ZNF268: variants seen among roughly 807,000 people sequenced by gnomAD.
ZNF268 encodes zinc finger protein 3.
Under a neutral mutation model 29.3 loss-of-function variants are expected in ZNF268, and 20 were observed. The ratio of observed to expected loss-of-function variants is 0.68; its 90% CI spans 0.48 to 0.99. ZNF268 has a LOEUF of 0.99. ZNF268 is among the 50% of genes least tolerant of loss of function. The pLI, the probability that ZNF268 is intolerant of heterozygous loss-of-function variation, is 0.00. For synonymous variants in ZNF268, 429 were observed against 376.9 expected (o/e 1.14, Z -1.60); for missense variants, 1,240 against 1,121.6 (o/e 1.11, Z -1.51).
Position 133,191,933 on chromosome 12 carries a change from C to T in ZNF268, c.387C>T (p.Ile129=). The part of the protein sequence containing the change: ...SLGYQHTKPD[I]IFKLEQGEEL... ...GGTACCAACACACCAAACCTGATATCATCTTCAAGTTGGAACAAGGAGAAG... is the reference window on the plus strand; with the variant it reads ...GGTACCAACACACCAAACCTGATATTATCTTCAAGTTGGAACAAGGAGAAG... Residue 129 remains isoleucine, a synonymous_variant, in exon 5 of 6, where the codon ATC becomes ATT. Coordinates refer to ENST00000536435, the MANE Select transcript of ZNF268 (RefSeq NM_003415.3). The T allele has an allele frequency of 6.2e-7, 1 of 1,614,074 alleles. No homozygotes were observed. Among genetic ancestry groups the T allele is most frequent in the Non-Finnish European group, 8.5e-7 (1 of 1,179,990 alleles).
At chr12:133,187,837 T>C (rs1400556949) in intron 2 of ZNF268, 35 bp from the exon 3 acceptor site, 10 of 1,549,234 alleles carry the variant, frequency 6.5e-6, no homozygotes, top group Non-Finnish European at 8.7e-6. Flanking sequence ...AAGGAAATAA[T>C]GCTCGCTAAA....
At position 133,213,177 on chromosome 12, in the gene ZNF268, C is replaced by G. The variant is rs1354721234; in HGVS notation, c.*8647C>G. ...GCCTCCATATTTTTTATAATAGCCA[C>G]TCTAACATGTATGAAATGGTATCTC... On this transcript the variant is annotated 3_prime_UTR_variant, in exon 6 of 6. Transcript: ENST00000536435. 1 of 152,116 alleles carries G rather than the reference C, an allele frequency of 6.6e-6. No homozygotes were observed. Among genetic ancestry groups the G allele is most frequent in the Admixed American group, 6.5e-5 (1 of 15,270 alleles). 9.4% of individuals were successfully genotyped at this position (152,116 alleles called of 1,614,324 possible). A position where few individuals can be genotyped will look rare whatever the true frequency, so the allele number is the denominator to read the frequency against.
At position 133,188,926 on chromosome 12, in the gene ZNF268, A is replaced by G. The variant is rs989563341; in HGVS notation, c.234+854A>G. On this transcript the variant is annotated intron_variant, in intron 3 of 5. Coordinates refer to ENST00000536435, the MANE Select transcript of ZNF268 (RefSeq NM_003415.3). ...CTGAGTCTGGATTGCAAATTTTTTT[A>G]TTTTATTGCTAATGATTTTTGTGTC... Among the ~76,000 whole-genome samples the G allele has an allele frequency of 1.1e-4, 17 of 151,998 alleles. No homozygotes were observed. The East Asian group carries it at 2.3e-3, about 21-fold the overall frequency.
intron 5 of ZNF268, among the ~76,000 whole-genome samples, chr12:133,201,261 A>G (rs980257170): frequency 6.6e-6 from 1 of 151,796 alleles, no homozygotes; most frequent in African/African-American, 2.4e-5. Flanking sequence ...TCCTAGTGAT[A>G]TTGACTGCTA....
intron 5 of ZNF268, among the ~76,000 whole-genome samples, chr12:133,196,372 CCT>C (rs1710395721): frequency 6.6e-6 from 1 of 150,848 alleles, no homozygotes; most frequent in South Asian, 2.1e-4. Context: ...TTTGGTATTC[CCT>C]GATTTTTTGA....
chr12:133,196,013 C>A (rs1184473895), intron 5 of ZNF268, among the ~76,000 whole-genome samples: 2 of 145,766 alleles, frequency 1.4e-5, no homozygotes, highest in Non-Finnish European at 3.0e-5. Context: ...CCCGGCCAAC[C>A]CTGTCTCTTT....
chr12:133,205,308 TAC>T lies in ZNF268; in HGVS notation c.*780_*781del, dbSNP rs1956878932. ...AAATTCTCAATTATAAATAATAAGA[TAC>T]AGATTATTTCATTGTACAAGTGAAT... On this transcript the variant is annotated 3_prime_UTR_variant, in exon 6 of 6. Coordinates refer to ENST00000536435, the MANE Select transcript of ZNF268 (RefSeq NM_003415.3). 2.0e-5 allele frequency: 3 copies of T among 152,042 alleles called. No homozygotes were observed. Among genetic ancestry groups the T allele is most frequent in the African/African-American group, 4.8e-5 (2 of 41,430 alleles). 9.4% of individuals were successfully genotyped at this position (152,042 alleles called of 1,614,324 possible). A position where few individuals can be genotyped will look rare whatever the true frequency, so the allele number is the denominator to read the frequency against.
chr12:133,183,856 A>G (rs1399186727), intron 2 of ZNF268, among the ~76,000 whole-genome samples: 1 of 152,244 alleles, frequency 6.6e-6, no homozygotes, highest in Non-Finnish European at 1.5e-5. Context: ...ATGGAACCCA[A>G]GAAAAGTAAG....
rs1223672116 is a variant in ZNF268 at position 133,205,144 on chromosome 12, T to TAAAAAAAAAAAAAAAAAAAAAAAA, written c.*620_*643dup. The TAAAAAAAAAAAAAAAAAAAAAAAA allele has an allele frequency of 9.9e-4, 42 of 42,298 alleles. 4 individuals are homozygous for TAAAAAAAAAAAAAAAAAAAAAAAA. Among genetic ancestry groups the TAAAAAAAAAAAAAAAAAAAAAAAA allele is most frequent in the Non-Finnish European group, 1.7e-3 (38 of 22,212 alleles). The allele number at this position is 42,298 out of a possible 1,614,324, so 2.6% of individuals were successfully genotyped here. A position where few individuals can be genotyped will look rare whatever the true frequency, so the allele number is the denominator to read the frequency against. On this transcript the variant is annotated 3_prime_UTR_variant, in exon 6 of 6. Coordinates refer to ENST00000536435, the MANE Select transcript of ZNF268 (RefSeq NM_003415.3). ...TAACCTCACCTTAGAAGCTTCATTC[T>TAAAAAAAAAAAAAAAAAAAAAAAA]AAAAAAAAAAAAAAAAAAAAAAAAA...
intron 4 of ZNF268, 77 bp from the exon 5 acceptor site, chr12:133,191,831 C>A: frequency 6.4e-7 from 1 of 1,564,988 alleles, no homozygotes; most frequent in African/African-American, 1.3e-5. Flanking sequence ...ACCTCCAAAC[C>A]AAATCTTTCC....
chr12:133,199,013 T>C lies in ZNF268; in HGVS notation c.458-3131T>C, dbSNP rs1201376565. Among the ~76,000 whole-genome samples, 3 of 151,406 alleles carry C rather than the reference T, an allele frequency of 2.0e-5. No individual in the cohort carries two copies. The East Asian group carries it at 5.8e-4, about 29-fold the overall frequency. On this transcript the variant is annotated intron_variant, in intron 5 of 5. Coordinates refer to ENST00000536435, the MANE Select transcript of ZNF268 (RefSeq NM_003415.3). ...CAATTTGACTTCCTCTTTTCCTAAT[T>C]GAATACCCTTTATTTCCTTCTCCTG...
rs568143302 is a variant in ZNF268 at position 133,202,309 on chromosome 12, A to G, written c.623A>G (p.Lys208Arg). 5.0e-6 allele frequency: 8 copies of G among 1,612,558 alleles called. No individual in the cohort carries two copies. In the African/African-American group the frequency reaches 5.3e-5, roughly 11 times the overall value. The change falls in exon 6 of 6, where the codon AAG becomes AGG. Residue 208 changes from lysine (K) to arginine (R), a missense_variant. Transcript: ENST00000536435. ...CCTCATAAATGTGGCACGCATGGAAAGAGTTTGAAATATATAGATTTCACT... is the reference window on the plus strand; with the variant it reads ...CCTCATAAATGTGGCACGCATGGAAGGAGTTTGAAATATATAGATTTCACT... Reference protein sequence around the residue: ...QKPHKCGTHGKSLKYIDFTSD... With the variant: ...QKPHKCGTHGRSLKYIDFTSD...
At position 133,198,218 on chromosome 12, in the gene ZNF268, G is replaced by A. The variant is rs1476390343; in HGVS notation, c.458-3926G>A. ...TCTTGAATTGATTTTTGTATAAGGT[G>A]TAAGGAAGGGATCCAGTTTCAGCTT... On this transcript the variant is annotated intron_variant, in intron 5 of 5. Transcript: ENST00000536435. Among the ~76,000 whole-genome samples the A allele has an allele frequency of 8.1e-5, 12 of 148,264 alleles. No individual in the cohort carries two copies. In the East Asian group the frequency reaches 2.3e-3, roughly 29 times the overall value.
Position 133,211,107 on chromosome 12 carries a change from A to C in ZNF268, c.*6577A>C. The stretch of plus-strand genomic sequence containing the variant: ...AGTAGATGGCCATAGACAAAAGTCA[A>C]GTGATTTCCTATATATTTGAAATAA... On this transcript the variant is annotated 3_prime_UTR_variant, in exon 6 of 6. Transcript: ENST00000536435. 1 of 435,954 alleles carries C rather than the reference A, an allele frequency of 2.3e-6. No homozygotes were observed. Among genetic ancestry groups the C allele is most frequent in the South Asian group, 1.6e-5 (1 of 63,308 alleles). 27.0% of individuals were successfully genotyped at this position (435,954 alleles called of 1,614,324 possible).
Position 133,186,415 on chromosome 12 carries a change from C to T in ZNF268, c.34-1457C>T, listed in dbSNP as rs548278675. On this transcript the variant is annotated intron_variant, in intron 2 of 5. Coordinates refer to ENST00000536435, the MANE Select transcript of ZNF268 (RefSeq NM_003415.3). ...TTTTTTTTTTGGAGATGGAGTCTCA[C>T]TCTGTTGCCCAGGCTGGAGTACAGT... 4.7e-5 allele frequency among the ~76,000 whole-genome samples: 7 copies of T among 150,508 alleles called. No homozygotes were observed. The South Asian group carries it at 1.3e-3, about 27-fold the overall frequency.
At position 133,214,461 on chromosome 12, in the gene ZNF268, G is replaced by A. The variant is rs1341423864; in HGVS notation, c.*9931G>A. ...GAGGTGGGAGGGTCGCTTGAGCCTG[G>A]GAGTTCAAGTCCAGTCTGGGCAGCA... On this transcript the variant is annotated 3_prime_UTR_variant, in exon 6 of 6. Transcript: ENST00000536435. 1.3e-5 allele frequency: 2 copies of A among 152,196 alleles called. No homozygotes were observed. Among genetic ancestry groups the A allele is most frequent in the African/African-American group, 4.8e-5 (2 of 41,408 alleles). 9.4% of individuals were successfully genotyped at this position (152,196 alleles called of 1,614,324 possible). A position where few individuals can be genotyped will look rare whatever the true frequency, so the allele number is the denominator to read the frequency against.
rs1423782793 is a variant in ZNF268 at position 133,210,718 on chromosome 12, G to T, written c.*6188G>T. ...ATTCCCCCCTGCCAAGGGTCCCCAG[G>T]TCAGTCCTGAGGAGAAGGCAGCTCA... On this transcript the variant is annotated 3_prime_UTR_variant, in exon 6 of 6. Coordinates refer to ENST00000536435, the MANE Select transcript of ZNF268 (RefSeq NM_003415.3). 2.4e-6 allele frequency: 1 copy of T among 411,172 alleles called. No homozygotes were observed. The highest frequency in any genetic ancestry group is 1.7e-5 in the South Asian group (1 of 58,588). The allele number at this position is 411,172 out of a possible 1,614,324, so 25.5% of individuals were successfully genotyped here. A position where few individuals can be genotyped will look rare whatever the true frequency, so the allele number is the denominator to read the frequency against.
At position 133,207,617 on chromosome 12, in the gene ZNF268, G is replaced by T. The variant is rs1171788612; in HGVS notation, c.*3087G>T. On this transcript the variant is annotated 3_prime_UTR_variant, in exon 6 of 6. Coordinates refer to ENST00000536435, the MANE Select transcript of ZNF268 (RefSeq NM_003415.3). ...GAGGTCAGGAGTTTGAGACCAGCCT[G>T]GCCAACATGGTGAAACCCCTCTCTA... is the stretch of plus-strand genomic sequence containing the variant. 6.6e-6 allele frequency: 1 copy of T among 152,168 alleles called. No individual in the cohort carries two copies. The highest frequency in any genetic ancestry group is 2.1e-4 in the South Asian group (1 of 4,834). 9.4% of individuals were successfully genotyped at this position (152,168 alleles called of 1,614,324 possible).
In ZNF268 at chr12:133,211,872, G is replaced by A. The variant is rs1190936132; in HGVS notation, c.*7342G>A. The A allele has an allele frequency of 6.6e-6, 1 of 152,186 alleles. No individual in the cohort carries two copies. 9.4% of individuals were successfully genotyped at this position (152,186 alleles called of 1,614,324 possible). ...CAACAATCACACTCCTAGGTATTTA[G>A]ATAACTGCTTTGAAAACATAGGAGT... On this transcript the variant is annotated 3_prime_UTR_variant, in exon 6 of 6. Transcript: ENST00000536435.
Sources: gnomAD v4.1 joint callset for allele counts (sites outside exome capture counted in the v4.1 genomes callset) on GRCh38, gnomAD v4.1.1 for gene constraint, MANE v1.5 for transcripts, NCBI Gene and HGNC (gene_info 2026-07-23, HGNC 2026-07-21) for gene names.